GOT1: variants seen among roughly 807,000 people sequenced by gnomAD.
GOT1 encodes the protein aspartate aminotransferase, cytoplasmic.
GOT1 carries 25 observed loss-of-function variants against 48.2 expected under a neutral mutation model. That is an observed-to-expected ratio of 0.52 (90% CI 0.38 to 0.72). The LOEUF (loss-of-function observed/expected upper bound fraction) is 0.72. Ranked by LOEUF, GOT1 falls within the 30% of genes least tolerant of loss-of-function variation. The probability of loss-of-function intolerance (pLI) is 0.00; values close to 1 mark genes in which losing one functional copy is unlikely to be tolerated. For missense variants in GOT1, 380 were observed against 520.1 expected (o/e 0.73, Z 2.62); for synonymous variants, 188 against 193.8 (o/e 0.97, Z 0.25).
At chr10:99,407,433 T>C (rs1019946757) in intron 2 of GOT1, among the ~76,000 whole-genome samples, 2 of 114,592 alleles carry the variant, frequency 1.7e-5, no homozygotes, top group African/African-American at 7.5e-5. Flanking sequence ...CTTCCTCTCA[T>C]TTTTTTTTTT....
chr10:99,429,521 C>G (rs1378008636), intron 1 of GOT1, among the ~76,000 whole-genome samples: 2 of 152,074 alleles, frequency 1.3e-5, no homozygotes, highest in Non-Finnish European at 2.9e-5. Context: ...AGACTTTATC[C>G]TACCCATTTT....
chr10:99,420,144 G>A (rs1383384140), intron 2 of GOT1: 1 of 154,360 alleles, frequency 6.5e-6, no homozygotes. Flanking sequence ...CAAGAAATAA[G>A]TACACACAAA....
In GOT1 at chr10:99,420,454, G is replaced by A. The variant is rs551959868; in HGVS notation, c.300+170C>T. 6.7e-6 allele frequency: 4 copies of A among 594,720 alleles called. No homozygotes were observed. In the African/African-American group the frequency reaches 7.4e-5, roughly 11 times the overall value. 36.8% of individuals were successfully genotyped at this position (594,720 alleles called of 1,614,324 possible). ...TGAACAAGTGAAAAAGCCGTGCTTTGTACATGGCCACATTATTTGCGCTAT... is the reference window on the plus strand; with the variant it reads ...TGAACAAGTGAAAAAGCCGTGCTTTATACATGGCCACATTATTTGCGCTAT... On this transcript the variant is annotated intron_variant, in intron 2 of 8. Coordinates refer to ENST00000370508, the MANE Select transcript of GOT1 (RefSeq NM_002079.3).
rs551502937 is a variant in GOT1 at position 99,406,323 on chromosome 10, C to G, written c.425-74G>C. The G allele has an allele frequency of 6.8e-6, 7 of 1,028,496 alleles. No homozygotes were observed. In the African/African-American group the frequency reaches 1.1e-4, roughly 16 times the overall value. 63.7% of individuals were successfully genotyped at this position (1,028,496 alleles called of 1,614,324 possible). A position where few individuals can be genotyped will look rare whatever the true frequency, so the allele number is the denominator to read the frequency against. On this transcript the variant is annotated intron_variant, in intron 3 of 8. Coordinates refer to ENST00000370508, the MANE Select transcript of GOT1 (RefSeq NM_002079.3). ...CATGAGTGGAAAGGATGCAAGTCAG[C>G]TTCCAGGGCCCTCCCAGGCTCAATG...
chr10:99,398,942 G>A (rs545612755), intron 8 of GOT1, among the ~76,000 whole-genome samples: 3 of 152,298 alleles, frequency 2.0e-5, no homozygotes, highest in African/African-American at 4.8e-5. Context: ...AGGATTTCAA[G>A]TCTGGGCTGT....
rs41400447 is a variant in GOT1, at chr10:99,421,602, T to G, written c.119-797A>C. 4.9e-3 allele frequency among the ~76,000 whole-genome samples: 743 copies of G among 151,120 alleles called. 5 individuals carry two copies. Among genetic ancestry groups the G allele is most frequent in the African/African-American group, 0.018 (722 of 41,090 alleles). The stretch of plus-strand genomic sequence containing the variant: ...TCCTCTGAAAGTATTTTTAAGTCAC[T>G]CTGAGTTATCCAGCACCAATTTTTT... On this transcript the variant is annotated intron_variant, in intron 1 of 8. Transcript: ENST00000370508.
intron 1 of GOT1, 31 bp downstream of exon 1, chr10:99,430,417 C>T: frequency 6.2e-7 from 1 of 1,600,912 alleles, no homozygotes; most frequent in Non-Finnish European, 8.5e-7. Context: ...ACTCCCCGAG[C>T]TGCTCACACT....
At chr10:99,426,452 C>A (rs1228746854) in intron 1 of GOT1, among the ~76,000 whole-genome samples, 1 of 152,178 alleles carries the variant, frequency 6.6e-6, no homozygotes, top group Non-Finnish European at 1.5e-5. Context: ...TCAGAAACAT[C>A]TGATAAAGCA....
intron 1 of GOT1, among the ~76,000 whole-genome samples, chr10:99,421,236 G>A (rs2032961653): frequency 6.6e-6 from 1 of 152,192 alleles, no homozygotes; most frequent in African/African-American, 2.4e-5. Context: ...CTCCCCAAGA[G>A]ACTTCCAGAA....
chr10:99,417,030 A>G (rs550769675), intron 2 of GOT1, among the ~76,000 whole-genome samples: 23 of 152,380 alleles, frequency 1.5e-4, no homozygotes, highest in Admixed American at 1.4e-3. Flanking sequence ...CAAGGACTTC[A>G]TGTCTTAAAC....
At chr10:99,404,871 C>T (rs1280640426) in intron 5 of GOT1, among the ~76,000 whole-genome samples, 1 of 152,172 alleles carries the variant, frequency 6.6e-6, no homozygotes, top group Non-Finnish European at 1.5e-5. Context: ...CTCTGCAGAG[C>T]ACATCCCTTC....
At position 99,405,799 on chromosome 10, in the gene GOT1, T is replaced by G; in HGVS notation, c.599A>C (p.Asp200Ala). ...HACAHNPTGI[D>A]PTPEQWKQIA... The stretch of plus-strand genomic sequence containing the variant: ...CTGCTTCCACTGCTCCGGAGTTGGG[T>G]CAATCCCAGTTGGGTTGTGTGCACA... The change falls in exon 5 of 9, where the codon GAC (aspartate) becomes GCC (alanine). Residue 200 changes from aspartate (D) to alanine (A), a missense_variant. Physicochemically the swap from Asp to Ala is moderately radical, Grantham distance 126. Coordinates refer to ENST00000370508, the MANE Select transcript of GOT1 (RefSeq NM_002079.3). The G allele has an allele frequency of 6.2e-7, 1 of 1,611,548 alleles. No homozygotes were observed. The highest frequency in any genetic ancestry group is 8.5e-7 in the Non-Finnish European group (1 of 1,177,716).
chr10:99,397,756 A>G lies in GOT1; in HGVS notation c.1103-70T>C. On this transcript the variant is annotated intron_variant, in intron 8 of 8. Transcript: ENST00000370508. The surrounding 1 kb of genome is among the most constrained non-coding windows in gnomAD (Gnocchi z 5.4). ...TTAAAGCAGTGGAGGCTCAGCAATT[A>G]TATGACAATTACAGCTTTACTTCTT... The G allele has an allele frequency of 7.0e-7, 1 of 1,422,710 alleles. No individual in the cohort carries two copies. The highest frequency in any genetic ancestry group is 1.2e-5 in the South Asian group (1 of 86,086). 88.1% of individuals were successfully genotyped at this position (1,422,710 alleles called of 1,614,324 possible).
chr10:99,413,695 G>T (rs1359898132), intron 2 of GOT1, among the ~76,000 whole-genome samples: 4 of 152,116 alleles, frequency 2.6e-5, no homozygotes, highest in Non-Finnish European at 1.5e-5. Context: ...AGAAAGAAAG[G>T]TCGGGTTACC....
chr10:99,402,348 C>T (rs1017062076), intron 8 of GOT1, among the ~76,000 whole-genome samples: 3 of 152,214 alleles, frequency 2.0e-5, no homozygotes, highest in Non-Finnish European at 4.4e-5. Flanking sequence ...CCCACAAACA[C>T]GGAAATATCT....
intron 2 of GOT1, 97 bp downstream of exon 2, chr10:99,420,527 A>G: frequency 1.1e-6 from 1 of 908,020 alleles, no homozygotes; most frequent in Non-Finnish European, 1.7e-6. Context: ...TTGGCAGTTC[A>G]ATAGACATAA....
In GOT1 at chr10:99,430,562, C is replaced by A. The variant is rs779398030; in HGVS notation, c.4G>T (p.Ala2Ser). The A allele has an allele frequency of 1.3e-6, 2 of 1,596,458 alleles. No homozygotes were observed. The highest frequency in any genetic ancestry group is 1.7e-5 in the Admixed American group (1 of 57,648). M[A>S]PPSVFAEVPQ... The stretch of plus-strand genomic sequence containing the variant: ...ACCTCGGCAAAGACTGACGGAGGTG[C>A]CATATCGAGAGACTAGGAATCAAGA... The change falls in exon 1 of 9, where the codon GCA (alanine) becomes TCA (serine). Residue 2 changes from alanine to serine, a missense_variant. Coordinates refer to ENST00000370508, the MANE Select transcript of GOT1 (RefSeq NM_002079.3).
chr10:99,427,087 T>G (rs757702757), intron 1 of GOT1, among the ~76,000 whole-genome samples: 1 of 152,162 alleles, frequency 6.6e-6, no homozygotes, highest in Non-Finnish European at 1.5e-5. Context: ...ACAGTGATGA[T>G]CAAAAATAAC....
chr10:99,398,743 A>G (rs1337711250), intron 8 of GOT1, among the ~76,000 whole-genome samples: 1 of 152,210 alleles, frequency 6.6e-6, no homozygotes, highest in Non-Finnish European at 1.5e-5. Flanking sequence ...ACCTGAGGAA[A>G]TGGAATAATA....
Sources: allele counts gnomAD v4.1 joint callset (sites outside exome capture counted in the v4.1 genomes callset), GRCh38; gene constraint gnomAD v4.1.1; non-coding constraint Gnocchi (gnomAD v3.1); transcripts MANE v1.5; gene names NCBI Gene and HGNC (gene_info 2026-07-23, HGNC 2026-07-21).